Variants in PREP observed in about 807,000 individuals in gnomAD.
The protein encoded by PREP is dJ355L5.1 (prolyl endopeptidase).
A neutral mutation model predicts 87.6 loss-of-function variants in PREP; 29 were observed. The observed-to-expected ratio is 0.33, with a 90% CI of 0.25 to 0.45. The LOEUF (loss-of-function observed/expected upper bound fraction) is 0.45, where lower values mean the gene tolerates loss of function less well. PREP is among the 20% of genes least tolerant of loss of function. The probability of loss-of-function intolerance (pLI) is 1.00; values close to 1 mark genes in which losing one functional copy is unlikely to be tolerated. For missense variants in PREP, 695 were observed against 886.5 expected (o/e 0.78, Z 2.74); for synonymous variants, 337 against 328.6 (o/e 1.03, Z -0.28).
At chr6:105,365,947 G>A (rs578144219) in intron 6 of PREP, among the ~76,000 whole-genome samples, 1 of 148,434 alleles carries the variant, frequency 6.7e-6, no homozygotes, top group Admixed American at 6.7e-5. Context: ...TTTATTTATT[G>A]CTATTCTTTA....
chr6:105,335,427 G>A (rs75815198), intron 7 of PREP, among the ~76,000 whole-genome samples: 1 of 152,204 alleles, frequency 6.6e-6, no homozygotes, highest in African/African-American at 2.4e-5. Context: ...CATATAATTT[G>A]TTACTGAATT....
intron 7 of PREP, 132 bp from the exon 8 acceptor site, chr6:105,333,637 A>G: frequency 2.1e-6 from 2 of 943,810 alleles, no homozygotes; most frequent in South Asian, 1.7e-5. Flanking sequence ...GATCTAGGGC[A>G]TGAAAAGGAG....
At position 105,400,226 on chromosome 6, in the gene PREP, A is replaced by G. The variant is rs76596295; in HGVS notation, c.46-2299T>C. On this transcript the variant is annotated intron_variant, in intron 1 of 14. Coordinates refer to ENST00000652536, the MANE Select transcript of PREP (RefSeq NM_002726.5). ...TTTGCTAATCATTCTTGATCTCCTCAAGAAGCTTTAAAAATAGAGCCCTGA... is the reference window on the plus strand; with the variant it reads ...TTTGCTAATCATTCTTGATCTCCTCGAGAAGCTTTAAAAATAGAGCCCTGA... 7.4e-3 allele frequency among the ~76,000 whole-genome samples: 1,123 copies of G among 152,230 alleles called. 44 individuals are homozygous for G. In the East Asian group the frequency reaches 0.14, roughly 20 times the overall value.
intron 11 of PREP, among the ~76,000 whole-genome samples, chr6:105,286,086 T>C (rs1370827579): frequency 6.6e-6 from 1 of 152,186 alleles, no homozygotes; most frequent in Non-Finnish European, 1.5e-5. Context: ...AAAGCTAATA[T>C]GTTCTCACAA....
intron 6 of PREP, among the ~76,000 whole-genome samples, chr6:105,362,515 T>A (rs1472937876): frequency 6.6e-6 from 1 of 152,176 alleles, no homozygotes; most frequent in Non-Finnish European, 1.5e-5. Flanking sequence ...GAAAAACAAG[T>A]GTTCTGTAAG....
chr6:105,324,681 C>T (rs1583055998), intron 9 of PREP, among the ~76,000 whole-genome samples: 1 of 152,258 alleles, frequency 6.6e-6, no homozygotes, highest in Admixed American at 6.5e-5. Flanking sequence ...AAAAACCAAA[C>T]GGTACTCCCA....
intron 8 of PREP, among the ~76,000 whole-genome samples, chr6:105,329,957 G>A (rs1159276419): frequency 1.3e-5 from 2 of 152,204 alleles, no homozygotes; most frequent in African/African-American, 4.8e-5. Context: ...CCTACTGGAT[G>A]AGGTGCAGGA....
intron 2 of PREP, among the ~76,000 whole-genome samples, chr6:105,387,390 G>C (rs1773026246): frequency 6.6e-6 from 1 of 152,138 alleles, no homozygotes. Flanking sequence ...AGAGAAAACA[G>C]TAACATTAAA....
chr6:105,282,390 T>A, intron 13 of PREP, 61 bp downstream of exon 13: 1 of 1,557,460 alleles, frequency 6.4e-7, no homozygotes, highest in Non-Finnish European at 8.7e-7. Context: ...CTACAGATGG[T>A]GTATCTGAAA....
rs1359170166 is a variant in PREP at position 105,377,520 on chromosome 6, C to A, written c.121-1G>T. On this transcript the variant is annotated splice_acceptor_variant, in intron 2 of 14. Coordinates refer to ENST00000652536, the MANE Select transcript of PREP (RefSeq NM_002726.5). LOFTEE classifies it high-confidence loss of function. ...TCTTATTCTGGGCCTCCACAAAGGCCTGTGGAGAAATTAAAATGGACAAAG... is the reference window on the plus strand; with the variant it reads ...TCTTATTCTGGGCCTCCACAAAGGCATGTGGAGAAATTAAAATGGACAAAG... The A allele has an allele frequency of 6.2e-7, 1 of 1,610,838 alleles. No individual in the cohort carries two copies. Among genetic ancestry groups the A allele is most frequent in the Non-Finnish European group, 8.5e-7 (1 of 1,179,294 alleles).
chr6:105,341,836 C>A (rs1017304894), intron 7 of PREP, among the ~76,000 whole-genome samples: 12 of 152,118 alleles, frequency 7.9e-5, no homozygotes, highest in African/African-American at 2.9e-4. Context: ...AAGACTAAAC[C>A]AGGAAGAAGT....
In PREP at chr6:105,288,836, C is replaced by T; in HGVS notation, c.1376G>A (p.Gly459Asp). Reference sequence around the variant, plus strand: ...TGGATGAGAGCCATCCAATTTTATGCCTTTTTTATGCACAATGAACATTGG... The same window carrying T: ...TGGATGAGAGCCATCCAATTTTATGTCTTTTTTATGCACAATGAACATTGG... Reference protein sequence around the residue: ...KIPMFIVHKKGIKLDGSHPAF... With the variant: ...KIPMFIVHKKDIKLDGSHPAF... Residue 459 changes from glycine (G) to aspartate (D), a missense_variant, in exon 11 of 15, where the codon GGC (glycine) becomes GAC (aspartate). By Grantham distance (94) the Gly-to-Asp change is moderately conservative. This residue lies in a region of PREP where 517 missense variants were observed against 620.3 expected (regional missense o/e 0.83). Transcript: ENST00000652536. The T allele has an allele frequency of 6.2e-7, 1 of 1,613,834 alleles. No individual in the cohort carries two copies. The highest frequency in any genetic ancestry group is 2.2e-5 in the East Asian group (1 of 44,876).
intron 2 of PREP, among the ~76,000 whole-genome samples, chr6:105,387,768 A>G (rs1323051326): frequency 6.6e-6 from 1 of 152,218 alleles, no homozygotes; most frequent in Non-Finnish European, 1.5e-5. Flanking sequence ...CGCAGGCTAG[A>G]CAAGCTTGTG....
intron 10 of PREP, among the ~76,000 whole-genome samples, chr6:105,312,977 G>T (rs904776991): frequency 1.3e-5 from 2 of 152,036 alleles, no homozygotes; most frequent in Admixed American, 6.6e-5. Context: ...GTTTCTATGA[G>T]GTACCCTCAC....
intron 2 of PREP, among the ~76,000 whole-genome samples, chr6:105,380,469 T>C (rs1263491929): frequency 6.6e-6 from 1 of 152,148 alleles, no homozygotes; most frequent in Non-Finnish European, 1.5e-5. Flanking sequence ...TTACCGTGCT[T>C]TGGACAGAGA....
intron 7 of PREP, among the ~76,000 whole-genome samples, chr6:105,336,643 A>G (rs117941494): frequency 0.017 from 2,556 of 152,358 alleles, 30 homozygotes; most frequent in Non-Finnish European, 0.026. Context: ...TAGCTACAGC[A>G]TTCTCATGGT....
intron 5 of PREP, among the ~76,000 whole-genome samples, chr6:105,369,895 A>G (rs953107545): frequency 1.4e-4 from 22 of 152,240 alleles, no homozygotes; most frequent in African/African-American, 4.8e-4. Flanking sequence ...AGATACACAG[A>G]TGGCAAATAA....
chr6:105,381,773 G>C (rs1772844695), intron 2 of PREP, among the ~76,000 whole-genome samples: 1 of 152,172 alleles, frequency 6.6e-6, no homozygotes, highest in African/African-American at 2.4e-5. Flanking sequence ...CTTCAGTTAT[G>C]CAAGATCATT....
intron 10 of PREP, among the ~76,000 whole-genome samples, chr6:105,295,325 A>G (rs777271051): frequency 1.3e-5 from 2 of 151,774 alleles, no homozygotes; most frequent in Non-Finnish European, 2.9e-5. Context: ...TCTTGATTCC[A>G]TTCCTTACTG....
Sources: gnomAD v4.1 joint callset for allele counts (sites outside exome capture counted in the v4.1 genomes callset) on GRCh38, gnomAD v4.1.1 for gene constraint, gnomAD v4.1.1 regional missense constraint, MANE v1.5 for transcripts, NCBI Gene and HGNC (gene_info 2026-07-23, HGNC 2026-07-21) for gene names.